The following C13orf42 variants were observed in gnomAD, a reference collection of about 807,000 sequenced individuals.
The protein encoded by C13orf42 is chromosome 13 open reading frame 42.
intron 1 of C13orf42, among the ~76,000 whole-genome samples, chr13:51,133,998 T>C (rs570676908): frequency 2.0e-5 from 3 of 152,282 alleles, no homozygotes; most frequent in South Asian, 2.1e-4. Flanking sequence ...CAGCATCCTG[T>C]GCACGCTCAC....
chr13:51,134,041 C>G (rs1251055952), intron 1 of C13orf42, among the ~76,000 whole-genome samples: 2 of 152,172 alleles, frequency 1.3e-5, no homozygotes, highest in African/African-American at 4.8e-5. Flanking sequence ...TCCACCAACA[C>G]CACTGCTCCC....
At chr13:51,170,145 C>T (rs1201162687) in intron 1 of C13orf42, among the ~76,000 whole-genome samples, 2 of 152,112 alleles carry the variant, frequency 1.3e-5, no homozygotes, top group Non-Finnish European at 2.9e-5. Flanking sequence ...AGAACAAACC[C>T]CCTTTGACTG....
At chr13:51,114,964 C>T (rs1953475724), upstream of C13orf42, among the ~76,000 whole-genome samples, 1 of 152,148 alleles carries the variant, frequency 6.6e-6, no homozygotes, top group Non-Finnish European at 1.5e-5. Flanking sequence ...GTAACCATAT[C>T]ACTTTGTATA....
intron 1 of C13orf42, among the ~76,000 whole-genome samples, chr13:51,093,971 G>C (rs1161591123): frequency 6.6e-6 from 1 of 151,806 alleles, no homozygotes; most frequent in Non-Finnish European, 1.5e-5. Flanking sequence ...GTTTTGGGGG[G>C]GTATTATTTA....
intron 1 of C13orf42, among the ~76,000 whole-genome samples, chr13:51,131,247 C>T (rs2138021630): frequency 6.6e-6 from 1 of 152,286 alleles, no homozygotes; most frequent in African/African-American, 2.4e-5. Context: ...AATTTGGAAA[C>T]TATTTGTGAG....
chr13:51,112,420 C>T (rs1953444637), upstream of C13orf42, among the ~76,000 whole-genome samples: 1 of 152,124 alleles, frequency 6.6e-6, no homozygotes, highest in Non-Finnish European at 1.5e-5. Context: ...ATTCAGAGGT[C>T]TCTGATGCAA....
chr13:51,087,244 A>T (rs998405203), intron 2 of C13orf42, among the ~76,000 whole-genome samples: 3 of 152,172 alleles, frequency 2.0e-5, no homozygotes, highest in Non-Finnish European at 4.4e-5. Flanking sequence ...GGAGGGAAGC[A>T]TGAACTCAGG....
intron 1 of C13orf42, among the ~76,000 whole-genome samples, chr13:51,168,207 G>A (rs1006517690): frequency 1.3e-5 from 2 of 152,190 alleles, no homozygotes; most frequent in Non-Finnish European, 2.9e-5. Flanking sequence ...AAGAAAATGT[G>A]CCAAAGGAAA....
At chr13:51,108,118 C>A (rs1170259770) in intron 1 of C13orf42, among the ~76,000 whole-genome samples, 6 of 152,166 alleles carry the variant, frequency 3.9e-5, no homozygotes, top group African/African-American at 1.4e-4. Flanking sequence ...CTCCCTGCAT[C>A]TCTGTGTCCT....
At chr13:51,087,227 T>G (rs1340232433) in intron 2 of C13orf42, among the ~76,000 whole-genome samples, 1 of 152,194 alleles carries the variant, frequency 6.6e-6, no homozygotes, top group African/African-American at 2.4e-5. Flanking sequence ...AGGACACGCC[T>G]TGGTGAGGAG....
chr13:51,124,528 A>C (rs1243346714), intron 1 of C13orf42, among the ~76,000 whole-genome samples: 1 of 152,114 alleles, frequency 6.6e-6, no homozygotes, highest in Non-Finnish European at 1.5e-5. Flanking sequence ...TTCTCACTGA[A>C]TCTTCCTTTC....
intron 1 of C13orf42, among the ~76,000 whole-genome samples, chr13:51,129,602 C>T (rs1953600406): frequency 6.6e-6 from 1 of 152,194 alleles, no homozygotes; most frequent in Admixed American, 6.5e-5. Context: ...ACAGACAATG[C>T]TTTTCTCCCT....
intron 1 of C13orf42, among the ~76,000 whole-genome samples, chr13:51,133,731 G>A (rs939086278): frequency 6.6e-6 from 1 of 152,058 alleles, no homozygotes; most frequent in Non-Finnish European, 1.5e-5. Flanking sequence ...GATGCACATG[G>A]GCCTCCCCAG....
At chr13:51,096,444 GTCTC>G (rs1953235543) in intron 1 of C13orf42, among the ~76,000 whole-genome samples, 1 of 152,180 alleles carries the variant, frequency 6.6e-6, no homozygotes, top group Non-Finnish European at 1.5e-5. Flanking sequence ...GAAACTGACA[GTCTC>G]TCTAATTCAA....
At chr13:51,131,010 C>G (rs1392180649) in intron 1 of C13orf42, among the ~76,000 whole-genome samples, 1 of 152,046 alleles carries the variant, frequency 6.6e-6, no homozygotes, top group African/African-American at 2.4e-5. Flanking sequence ...AAAAGAGATT[C>G]CATGTGCCAA....
At chr13:51,121,183 G>C (rs1284891356) in intron 1 of C13orf42, among the ~76,000 whole-genome samples, 2 of 152,172 alleles carry the variant, frequency 1.3e-5, no homozygotes, top group Non-Finnish European at 2.9e-5. Flanking sequence ...CAGCTGTCCT[G>C]AGGAACACTG....
Position 51,162,097 on chromosome 13 carries a change from G to T in C13orf42, n.136+10156C>A. On this transcript the variant is annotated intron_variant and non_coding_transcript_variant, in intron 1 of 4. Transcript: ENST00000433280. The stretch of plus-strand genomic sequence containing the variant: ...CCTTTACACCGTATTTTGGAAGTTC[G>T]TGTGCATAAGCTGCACAGACTATCA... The T allele has an allele frequency of 9.0e-6, 3 of 331,842 alleles. No individual in the cohort carries two copies. The East Asian group carries it at 2.2e-4, about 24-fold the overall frequency. 20.6% of individuals were successfully genotyped at this position (331,842 alleles called of 1,614,324 possible).
At chr13:51,130,584 G>A (rs1437829065) in intron 1 of C13orf42, among the ~76,000 whole-genome samples, 2 of 152,064 alleles carry the variant, frequency 1.3e-5, no homozygotes, top group East Asian at 1.9e-4. Context: ...CCTCCTAAAT[G>A]CTTCAAAAAA....
intron 1 of C13orf42, among the ~76,000 whole-genome samples, chr13:51,130,588 C>G (rs1485521403): frequency 6.6e-6 from 1 of 151,886 alleles, no homozygotes; most frequent in Non-Finnish European, 1.5e-5. Flanking sequence ...CTAAATGCTT[C>G]AAAAAAACAC....
Sources: allele counts gnomAD v4.1 joint callset (sites outside exome capture counted in the v4.1 genomes callset), GRCh38; gene constraint gnomAD v4.1.1; transcripts MANE v1.5; gene names NCBI Gene and HGNC (gene_info 2026-07-23, HGNC 2026-07-21).